The following STPG2 variants were observed in gnomAD, a reference collection of about 807,000 sequenced individuals.
The protein encoded by STPG2 is sperm-tail PG-rich repeat-containing protein 2.
A neutral mutation model predicts 54.2 loss-of-function variants in STPG2; 56 were observed. The ratio of observed to expected loss-of-function variants is 1.03; its 90% CI spans 0.83 to 1.29. The LOEUF (loss-of-function observed/expected upper bound fraction) is 1.29. Among genes scored for constraint, STPG2 ranks in the 50% most tolerant of loss-of-function variants. The pLI, the probability that STPG2 is intolerant of heterozygous loss-of-function variation, is 0.00. For missense variants in STPG2, 596 were observed against 544.9 expected (o/e 1.09, Z -0.93); for synonymous variants, 200 against 181.8 (o/e 1.10, Z -0.81).
At chr4:98,124,312 T>C (rs1739770859) in intron 3 of STPG2, among the ~76,000 whole-genome samples, 1 of 152,176 alleles carries the variant, frequency 6.6e-6, no homozygotes, top group Non-Finnish European at 1.5e-5. Context: ...TAGTGGCCAG[T>C]AACGGTTTTT....
intron 8 of STPG2, among the ~76,000 whole-genome samples, chr4:97,906,717 C>T (rs1731440132): frequency 6.6e-6 from 1 of 151,766 alleles, no homozygotes; most frequent in Non-Finnish European, 1.5e-5. Context: ...TCAATATACA[C>T]AAATCAATAA....
At chr4:97,602,087 T>C (rs930881071) in intron 10 of STPG2, among the ~76,000 whole-genome samples, 6 of 151,882 alleles carry the variant, frequency 4.0e-5, no homozygotes, top group Admixed American at 1.3e-4. Flanking sequence ...AATATAATGA[T>C]CTTATGACTG....
chr4:98,011,021 C>A (rs1357535809), intron 5 of STPG2, among the ~76,000 whole-genome samples: 1 of 152,034 alleles, frequency 6.6e-6, no homozygotes, highest in Non-Finnish European at 1.5e-5. Context: ...TTGATACATG[C>A]CTTAGTGGTT....
intron 10 of STPG2, among the ~76,000 whole-genome samples, chr4:97,624,506 C>T (rs533776646): frequency 3.0e-4 from 46 of 152,054 alleles, no homozygotes; most frequent in Non-Finnish European, 4.4e-4. Flanking sequence ...TTAAGTTCCT[C>T]GTAAATTCTG....
chr4:98,052,624 A>G (rs1737357760), intron 5 of STPG2, among the ~76,000 whole-genome samples: 1 of 152,232 alleles, frequency 6.6e-6, no homozygotes, highest in African/African-American at 2.4e-5. Context: ...ACATCAATAT[A>G]AATGTGAAAA....
At chr4:97,500,904 T>G (rs1331440942) in intron 4 of STPG2, among the ~76,000 whole-genome samples, 1 of 151,938 alleles carries the variant, frequency 6.6e-6, no homozygotes. Context: ...GAAAATATTT[T>G]AAGGAAGTTT....
chr4:97,845,616 G>A (rs1037917726), intron 8 of STPG2, among the ~76,000 whole-genome samples: 17 of 152,018 alleles, frequency 1.1e-4, no homozygotes, highest in Admixed American at 3.3e-4. Flanking sequence ...ATTGCTTTTT[G>A]TTTTAACATA....
intron 9 of STPG2, among the ~76,000 whole-genome samples, chr4:97,786,026 C>A (rs894784666): frequency 1.3e-5 from 2 of 151,898 alleles, no homozygotes; most frequent in East Asian, 1.9e-4. Context: ...TTTTAAAAAT[C>A]AACTCTGAGC....
At chr4:97,871,420 G>T (rs1729986416) in intron 8 of STPG2, among the ~76,000 whole-genome samples, 1 of 150,340 alleles carries the variant, frequency 6.7e-6, no homozygotes, top group South Asian at 2.1e-4. Flanking sequence ...TTTAAAAAGG[G>T]GGGGAATCAT....
At chr4:97,475,943 C>A (rs1433910454) in intron 4 of STPG2, among the ~76,000 whole-genome samples, 2 of 151,876 alleles carry the variant, frequency 1.3e-5, no homozygotes, top group East Asian at 3.9e-4. Context: ...CTTACTACTA[C>A]CTAAAAAAAA....
intron 9 of STPG2, among the ~76,000 whole-genome samples, chr4:97,795,798 T>C (rs1465840250): frequency 1.3e-5 from 2 of 152,202 alleles, no homozygotes; most frequent in Non-Finnish European, 2.9e-5. Flanking sequence ...ATGGGTGAAC[T>C]AGTTTACAGT....
chr4:98,131,394 C>T (rs1232479428), intron 2 of STPG2, among the ~76,000 whole-genome samples: 1 of 152,132 alleles, frequency 6.6e-6, no homozygotes, highest in Non-Finnish European at 1.5e-5. Flanking sequence ...TGTATGGCCA[C>T]ACAGTCACTC....
chr4:97,734,509 G>T (rs1724908916), intron 9 of STPG2, among the ~76,000 whole-genome samples: 2 of 152,128 alleles, frequency 1.3e-5, no homozygotes, highest in South Asian at 2.1e-4. Flanking sequence ...TATTAAGTGA[G>T]AACATACTTT....
chr4:98,109,173 T>C lies in STPG2; in HGVS notation c.500+20A>G, dbSNP rs775239765. ...CTAGTCAAGAGCTACATTAAAGGTA[T>C]ACTATATTTTTTTACTTACTGGACT... On this transcript the variant is annotated intron_variant, in intron 4 of 10. Coordinates refer to ENST00000295268, the MANE Select transcript of STPG2 (RefSeq NM_174952.3). The C allele has an allele frequency of 2.2e-6, 3 of 1,387,946 alleles. No individual in the cohort carries two copies. Among genetic ancestry groups the C allele is most frequent in the South Asian group, 2.7e-5 (2 of 73,312 alleles). 86.0% of individuals were successfully genotyped at this position (1,387,946 alleles called of 1,614,324 possible).
At chr4:97,696,241 T>A (rs964113344) in intron 10 of STPG2, among the ~76,000 whole-genome samples, 3 of 152,220 alleles carry the variant, frequency 2.0e-5, no homozygotes, top group Admixed American at 6.5e-5. Context: ...AGTCAATTGA[T>A]CTTTGACAAA....
chr4:97,996,449 A>G (rs970234481), intron 5 of STPG2, among the ~76,000 whole-genome samples: 13 of 152,242 alleles, frequency 8.5e-5, no homozygotes, highest in African/African-American at 1.4e-4. Context: ...TCTTACACCA[A>G]ATCAACTCAA....
At chr4:97,568,900 GT>G (rs70953073) in intron 10 of STPG2, among the ~76,000 whole-genome samples, 27,285 of 143,692 alleles carry the variant, frequency 0.19, 2,901 homozygotes, top group Middle Eastern at 0.28. Context: ...TTTTTGTTTT[GT>G]TTTTTTTTTT....
chr4:97,621,544 C>T (rs917966894), intron 10 of STPG2, among the ~76,000 whole-genome samples: 1 of 152,068 alleles, frequency 6.6e-6, no homozygotes, highest in Admixed American at 6.6e-5. Context: ...TTGATAAATT[C>T]CTGGACACAT....
chr4:98,104,357 C>T (rs1435316175), intron 5 of STPG2, among the ~76,000 whole-genome samples: 1 of 152,100 alleles, frequency 6.6e-6, no homozygotes, highest in African/African-American at 2.4e-5. Context: ...CAATAAAGCA[C>T]TGAGAAAATG....
Sources: allele counts gnomAD v4.1 joint callset (sites outside exome capture counted in the v4.1 genomes callset), GRCh38; gene constraint gnomAD v4.1.1; transcripts MANE v1.5; gene names NCBI Gene and HGNC (gene_info 2026-07-23, HGNC 2026-07-21).